SUSD5: variants seen among roughly 807,000 people sequenced by gnomAD.
SUSD5 encodes sushi domain-containing protein 5.
A neutral mutation model predicts 29.5 loss-of-function variants in SUSD5; 33 were observed. That is an observed-to-expected ratio of 1.12 (90% CI 0.85 to 1.49). The LOEUF is 1.49. Among genes scored for constraint, SUSD5 ranks in the 40% most tolerant of loss-of-function variants. The pLI is 0.00. For missense variants in SUSD5, 776 were observed against 800.6 expected (o/e 0.97, Z 0.37); for synonymous variants, 308 against 325.3 (o/e 0.95, Z 0.57).
chr3:33,170,004 G>A (rs1251728550), intron 4 of SUSD5, among the ~76,000 whole-genome samples: 1 of 151,774 alleles, frequency 6.6e-6, no homozygotes, highest in Non-Finnish European at 1.5e-5. Context: ...TGCAACCTCC[G>A]CCTCCCGGGT....
chr3:33,197,607 C>T (rs2032019737), intron 3 of SUSD5, among the ~76,000 whole-genome samples: 1 of 152,088 alleles, frequency 6.6e-6, no homozygotes, highest in African/African-American at 2.4e-5. Context: ...ATTCTACTTG[C>T]CTTTGGCCCT....
intron 3 of SUSD5, among the ~76,000 whole-genome samples, chr3:33,185,959 T>A (rs970928912): frequency 2.0e-5 from 3 of 150,440 alleles, no homozygotes; most frequent in African/African-American, 7.3e-5. Flanking sequence ...TTAAAAAAAA[T>A]TCAAATTCAA....
intron 4 of SUSD5, among the ~76,000 whole-genome samples, chr3:33,171,866 CT>C (rs1422714496): frequency 6.6e-6 from 1 of 152,196 alleles, no homozygotes; most frequent in Non-Finnish European, 1.5e-5. Flanking sequence ...AAAACGTCAC[CT>C]TCTGTGACAC....
In SUSD5 at chr3:33,212,196, C is replaced by G. The variant is rs557321606; in HGVS notation, c.290+1732G>C. On this transcript the variant is annotated intron_variant, in intron 2 of 4. Coordinates refer to ENST00000309558, the MANE Select transcript of SUSD5 (RefSeq NM_015551.2). ...AATTATGTGTGTCAAAACATCACTA[C>G]GCACCCCATGAATATGTACAATTAT... Among the ~76,000 whole-genome samples, 138 of 152,222 alleles carry G rather than the reference C, an allele frequency of 9.1e-4. 1 individual carries two copies. In the Middle Eastern group the frequency reaches 0.014, roughly 15 times the overall value.
intron 3 of SUSD5, among the ~76,000 whole-genome samples, chr3:33,192,601 A>G (rs1355806354): frequency 6.6e-6 from 1 of 151,740 alleles, no homozygotes; most frequent in Admixed American, 6.6e-5. Flanking sequence ...TGAGGTCAGG[A>G]GTTCAAGACC....
intron 4 of SUSD5, among the ~76,000 whole-genome samples, chr3:33,173,760 T>C (rs1002174770): frequency 1.3e-5 from 2 of 152,124 alleles, no homozygotes; most frequent in Non-Finnish European, 2.9e-5. Flanking sequence ...GGGAGGGGGT[T>C]CTTGAAAAAG....
In SUSD5 at chr3:33,167,830, C is replaced by A. The variant is rs1368415585; in HGVS notation, c.598+7056G>T. On this transcript the variant is annotated intron_variant, in intron 4 of 4. Coordinates refer to ENST00000309558, the MANE Select transcript of SUSD5 (RefSeq NM_015551.2). The surrounding 1 kb of genome is among the most constrained non-coding windows in gnomAD (Gnocchi z 4.1). ...TGGAGGTACTGTATCTCTCACCTCC[C>A]CTCTGCTTTCCTGAGTCTGCACTCT... is the stretch of plus-strand genomic sequence containing the variant. Among the ~76,000 whole-genome samples the A allele has an allele frequency of 2.6e-5, 4 of 152,178 alleles. No individual in the cohort carries two copies. The highest frequency in any genetic ancestry group is 6.5e-5 in the Admixed American group (1 of 15,284).
chr3:33,152,951 A>T lies in SUSD5; in HGVS notation c.1681T>A (p.Ser561Thr). The T allele has an allele frequency of 1.2e-6, 2 of 1,613,480 alleles. No homozygotes were observed. The highest frequency in any genetic ancestry group is 1.7e-6 in the Non-Finnish European group (2 of 1,179,738). ...CCAGGACATCCGTCCCCCACACACG[A>T]CTCCAAGGTGGGATGAAGCTCCTCA... ...ASEELHPTLE[S>T]CVGDGCPGLS... Residue 561 changes from serine (S) to threonine (T), a missense_variant, in exon 5 of 5, where the codon TCG becomes ACG. Transcript: ENST00000309558.
At chr3:33,166,927 C>G (rs1304339964) in intron 4 of SUSD5, among the ~76,000 whole-genome samples, 1 of 152,116 alleles carries the variant, frequency 6.6e-6, no homozygotes, top group Non-Finnish European at 1.5e-5. Context: ...GCCTGTAATC[C>G]CAGCACTTTG....
At chr3:33,187,905 T>C (rs975869936) in intron 3 of SUSD5, among the ~76,000 whole-genome samples, 14 of 151,140 alleles carry the variant, frequency 9.3e-5, no homozygotes, top group Non-Finnish European at 1.6e-4. Flanking sequence ...CATGCAGTGT[T>C]TGGTTTTTTG....
chr3:33,218,654 A>AC, intron 1 of SUSD5, 32 bp downstream of exon 1: 1 of 1,075,660 alleles, frequency 9.3e-7, no homozygotes, highest in Non-Finnish European at 1.2e-6. Flanking sequence ...CCCACGCTCC[A>AC]CCCCCCGCCC....
chr3:33,176,890 G>A (rs549916090), intron 3 of SUSD5, among the ~76,000 whole-genome samples: 1 of 152,302 alleles, frequency 6.6e-6, no homozygotes, highest in Non-Finnish European at 1.5e-5. Flanking sequence ...CTTAGTCAAA[G>A]ATGAATCAAC....
chr3:33,168,694 G>T, intron 4 of SUSD5: 1 of 632,780 alleles, frequency 1.6e-6, no homozygotes, highest in Non-Finnish European at 2.0e-6. Context: ...CCGTTGCCCA[G>T]GCTGGAGTGC....
intron 4 of SUSD5, among the ~76,000 whole-genome samples, chr3:33,163,510 A>T (rs899444422): frequency 6.6e-6 from 1 of 152,196 alleles, no homozygotes; most frequent in African/African-American, 2.4e-5. Context: ...GAAATTAGGA[A>T]TATGAGGAAA....
intron 4 of SUSD5, among the ~76,000 whole-genome samples, chr3:33,162,177 A>G (rs1377909764): frequency 6.6e-6 from 1 of 152,252 alleles, no homozygotes; most frequent in East Asian, 1.9e-4. Flanking sequence ...ATGTATAGAA[A>G]TTAAACAAAA....
At chr3:33,159,330 G>A (rs2031124975) in intron 4 of SUSD5, among the ~76,000 whole-genome samples, 1 of 152,162 alleles carries the variant, frequency 6.6e-6, no homozygotes, top group South Asian at 2.1e-4. Flanking sequence ...TGTGACTGTA[G>A]GGATACTCAA....
intron 2 of SUSD5, 113 bp downstream of exon 2, chr3:33,213,815 C>T: frequency 8.8e-7 from 1 of 1,130,240 alleles, no homozygotes; most frequent in Non-Finnish European, 1.2e-6. Context: ...GAACACGCTA[C>T]TGCCCACTGT....
In SUSD5 at chr3:33,204,864, TA is replaced by T; in HGVS notation, c.409+2943del. ...AATTTTATATAATTTCAAAGTTACATAAACATTATAAAAGCAAGGAACCCAC... is the reference window on the plus strand; with the variant it reads ...AATTTTATATAATTTCAAAGTTACATAACATTATAAAAGCAAGGAACCCAC... On this transcript the variant is annotated intron_variant, in intron 3 of 4. Transcript: ENST00000309558. This position sits in a 1 kb window ranked among gnomAD's most constrained non-coding sequence, Gnocchi z 4.5. 6.6e-6 allele frequency among the ~76,000 whole-genome samples: 1 copy of T among 152,220 alleles called. No individual in the cohort carries two copies. The highest frequency in any genetic ancestry group is 2.1e-4 in the South Asian group (1 of 4,824).
At chr3:33,161,501 G>A (rs1405865504) in intron 4 of SUSD5, among the ~76,000 whole-genome samples, 4 of 152,070 alleles carry the variant, frequency 2.6e-5, no homozygotes, top group South Asian at 2.1e-4. Flanking sequence ...AAACAAAAAC[G>A]ACAGTAATTT....
Sources: gnomAD v4.1 joint callset for allele counts (sites outside exome capture counted in the v4.1 genomes callset) on GRCh38, gnomAD v4.1.1 for gene constraint, Gnocchi (gnomAD v3.1) non-coding constraint, MANE v1.5 for transcripts, NCBI Gene and HGNC (gene_info 2026-07-23, HGNC 2026-07-21) for gene names.